The following LARGE1 variants were observed in gnomAD, a reference collection of about 807,000 sequenced individuals.
The protein encoded by LARGE1 is xylosyl- and glucuronyltransferase LARGE1.
In LARGE1, 43 loss-of-function variants were observed where a neutral mutation model predicts 87.6. The observed-to-expected ratio is 0.49, with a 90% CI of 0.38 to 0.63. LARGE1 has a LOEUF of 0.63. Ranked by LOEUF, LARGE1 falls within the 30% of genes least tolerant of loss-of-function variation. LARGE1 has a pLI of 0.00. For synonymous variants in LARGE1, 434 were observed against 394.6 expected, an observed-to-expected ratio of 1.10 and a Z score of -1.18; for missense variants, 802 against 1,000.2, an observed-to-expected ratio of 0.80 and a Z score of 2.67.
chr22:33,251,157 C>A (rs143963420), intron 11 of LARGE1, among the ~76,000 whole-genome samples: 84 of 152,272 alleles, frequency 5.5e-4, no homozygotes, highest in Non-Finnish European at 9.9e-4. Flanking sequence ...ACACTACTGG[C>A]CTTATTTGAT....
intron 5 of LARGE1, among the ~76,000 whole-genome samples, chr22:33,567,416 C>A (rs892944614): frequency 6.6e-6 from 1 of 152,104 alleles, no homozygotes; most frequent in Non-Finnish European, 1.5e-5. Flanking sequence ...GCTATCAGTG[C>A]CTCTTTTGGT....
At chr22:33,320,590 G>A (rs1601433455) in intron 10 of LARGE1, among the ~76,000 whole-genome samples, 1 of 152,190 alleles carries the variant, frequency 6.6e-6, no homozygotes, top group East Asian at 1.9e-4. Context: ...AATATCATGT[G>A]TTGCATGCCT....
chr22:33,642,052 A>G (rs914261850), intron 3 of LARGE1, among the ~76,000 whole-genome samples: 3 of 152,198 alleles, frequency 2.0e-5, no homozygotes, highest in African/African-American at 7.2e-5. Flanking sequence ...ATAGTCTTCC[A>G]GAAAGGCAAC....
chr22:33,744,030 C>G (rs765940654), intron 2 of LARGE1: 2 of 152,192 alleles, frequency 1.3e-5, no homozygotes, highest in Non-Finnish European at 1.5e-5. Context: ...TGAATCCAGT[C>G]CAAGTGCGTG....
intron 6 of LARGE1, among the ~76,000 whole-genome samples, chr22:33,466,027 T>C (rs2068593244): frequency 6.6e-6 from 1 of 152,182 alleles, no homozygotes; most frequent in African/African-American, 2.4e-5. Flanking sequence ...CTTACTGTGG[T>C]AGCCTATACG....
chr22:33,437,962 G>A (rs1385481231), intron 6 of LARGE1, among the ~76,000 whole-genome samples: 1 of 152,000 alleles, frequency 6.6e-6, no homozygotes, highest in Non-Finnish European at 1.5e-5. Flanking sequence ...CCTTCCCACC[G>A]AGTCACCTAC....
intron 1 of LARGE1, among the ~76,000 whole-genome samples, chr22:33,770,777 G>T (rs1475833292): frequency 2.0e-5 from 3 of 152,110 alleles, no homozygotes; most frequent in African/African-American, 7.2e-5. Context: ...GTATGTGTGT[G>T]CATGTGTGTG....
At chr22:33,309,351 G>C (rs1935304166) in intron 11 of LARGE1, among the ~76,000 whole-genome samples, 1 of 152,164 alleles carries the variant, frequency 6.6e-6, no homozygotes, top group Non-Finnish European at 1.5e-5. Flanking sequence ...ATTTTTAGTA[G>C]AGATGGGATT....
intron 2 of LARGE1, among the ~76,000 whole-genome samples, chr22:33,699,461 C>G (rs1021244511): frequency 1.3e-5 from 2 of 152,216 alleles, no homozygotes; most frequent in Non-Finnish European, 2.9e-5. Context: ...GCCAGCTCCA[C>G]AGAGCTGCAA....
At chr22:33,641,163 G>T (rs190490192) in intron 3 of LARGE1, among the ~76,000 whole-genome samples, 1 of 152,158 alleles carries the variant, frequency 6.6e-6, no homozygotes, top group African/African-American at 2.4e-5. Context: ...GGCAACGGGC[G>T]GGTGCCCCTC....
At chr22:33,206,139 G>A (rs1443466862) in intron 11 of LARGE1, among the ~76,000 whole-genome samples, 1 of 152,026 alleles carries the variant, frequency 6.6e-6, no homozygotes, top group Non-Finnish European at 1.5e-5. Context: ...TGTATTTTTA[G>A]TAGAGACGGG....
intron 4 of LARGE1, among the ~76,000 whole-genome samples, chr22:33,621,974 A>G (rs760552873): frequency 1.3e-5 from 2 of 152,178 alleles, no homozygotes; most frequent in African/African-American, 2.4e-5. Flanking sequence ...CTTGTCTATA[A>G]GAAACATCTG....
At chr22:33,780,692 A>G (rs2085391476) in intron 1 of LARGE1, among the ~76,000 whole-genome samples, 1 of 152,150 alleles carries the variant, frequency 6.6e-6, no homozygotes. Context: ...CCATTCCAAA[A>G]CCCATCAGGA....
the LARGE1 span, among the ~76,000 whole-genome samples, chr22:33,092,658 G>C: frequency 8.4e-6 from 1 of 118,434 alleles, no homozygotes; most frequent in African/African-American, 3.2e-5. Flanking sequence ...AGTATGTGTT[G>C]TTCCCCTCCC....
chr22:33,128,686 A>C, the LARGE1 span, among the ~76,000 whole-genome samples: 18 of 144,790 alleles, frequency 1.2e-4, no homozygotes, highest in Non-Finnish European at 1.8e-4. Flanking sequence ...AAAACAAAAA[A>C]AAAAAAAAAA....
intron 1 of LARGE1, among the ~76,000 whole-genome samples, chr22:33,919,102 GA>G (rs5845124): frequency 0.44 from 55,497 of 127,066 alleles, 11,545 homozygotes; most frequent in South Asian, 0.58. Context: ...GCACAGAGAC[GA>G]AAAAAAAAAA....
rs1327326506 is a variant in LARGE1 at position 33,447,778 on chromosome 22, G to A, written c.788-15513C>T. On this transcript the variant is annotated intron_variant, in intron 6 of 14. Transcript: ENST00000397394. ...ACAAAGGCAGGTGCAGCACAGGGAG[G>A]AGGAGGAAGGACAGGCTGGGGAGAG... Among the ~76,000 whole-genome samples the A allele has an allele frequency of 2.6e-5, 4 of 152,160 alleles. No homozygotes were observed. The East Asian group carries it at 5.8e-4, about 22-fold the overall frequency.
Position 33,620,441 on chromosome 22 carries a change from C to T in LARGE1, c.491+5803G>A, listed in dbSNP as rs1246327163. ...AACTGGGATTGGAGTCACAGGCATT[C>T]CCCCCAATTTTCCTCTGAATAGCCT... is the stretch of plus-strand genomic sequence containing the variant. On this transcript the variant is annotated intron_variant, in intron 4 of 14. Coordinates refer to ENST00000397394, the MANE Select transcript of LARGE1 (RefSeq NM_133642.5). Among the ~76,000 whole-genome samples the T allele has an allele frequency of 3.3e-5, 5 of 152,122 alleles. No homozygotes were observed. In the South Asian group the frequency reaches 1.0e-3, roughly 32 times the overall value.
chr22:33,685,591 A>G (rs2081920849), intron 2 of LARGE1, among the ~76,000 whole-genome samples: 2 of 152,230 alleles, frequency 1.3e-5, no homozygotes, highest in South Asian at 4.1e-4. Context: ...CATGAGACTC[A>G]AGCATATGAA....
Sources: allele counts gnomAD v4.1 joint callset (sites outside exome capture counted in the v4.1 genomes callset), GRCh38; gene constraint gnomAD v4.1.1; transcripts MANE v1.5; gene names NCBI Gene and HGNC (gene_info 2026-07-23, HGNC 2026-07-21).